The following HS3ST4 variants were observed in gnomAD, a reference collection of about 807,000 sequenced individuals.
HS3ST4 encodes heparan sulfate-glucosamine 3-sulfotransferase 4.
HS3ST4 carries 17 observed loss-of-function variants against 29.2 expected under a neutral mutation model. The ratio of observed to expected loss-of-function variants is 0.58; its 90% CI spans 0.40 to 0.87. The LOEUF (loss-of-function observed/expected upper bound fraction) is 0.87, where lower values mean the gene tolerates loss of function less well. Among genes scored for constraint, HS3ST4 ranks in the 40% least tolerant of loss-of-function variants. The probability of loss-of-function intolerance (pLI) is 0.00; values close to 1 mark genes in which losing one functional copy is unlikely to be tolerated. For missense variants in HS3ST4, 627 were observed against 634.5 expected (o/e 0.99, Z 0.13); for synonymous variants, 314 against 285.7 (o/e 1.10, Z -1.00).
At chr16:26,120,502 C>T (rs1291691328) in intron 1 of HS3ST4, among the ~76,000 whole-genome samples, 1 of 152,202 alleles carries the variant, frequency 6.6e-6, no homozygotes. Context: ...GGAAAGGGGG[C>T]TTCTGGCTGA....
chr16:25,695,849 A>G (rs184756168), intron 1 of HS3ST4, among the ~76,000 whole-genome samples: 3 of 152,316 alleles, frequency 2.0e-5, no homozygotes, highest in Non-Finnish European at 4.4e-5. Context: ...ATGTGCTTCC[A>G]GTAGCCTATG....
intron 1 of HS3ST4, among the ~76,000 whole-genome samples, chr16:26,082,809 C>A (rs1241434149): frequency 6.6e-6 from 1 of 152,142 alleles, no homozygotes; most frequent in Non-Finnish European, 1.5e-5. Flanking sequence ...CATGGAGCAA[C>A]CTTACCTCCA....
intron 1 of HS3ST4, among the ~76,000 whole-genome samples, chr16:25,971,759 A>G (rs952425009): frequency 4.6e-5 from 7 of 152,168 alleles, no homozygotes; most frequent in African/African-American, 4.8e-5. Flanking sequence ...CCCCGTCTCT[A>G]CTAAAAATAC....
At chr16:25,969,588 C>T (rs1458455925) in intron 1 of HS3ST4, among the ~76,000 whole-genome samples, 1 of 152,164 alleles carries the variant, frequency 6.6e-6, no homozygotes, top group Non-Finnish European at 1.5e-5. Context: ...GAGATATGGC[C>T]TGGGACAACT....
chr16:26,134,357 CTTTTCTTTT>C (rs1033517340), intron 1 of HS3ST4, among the ~76,000 whole-genome samples: 1 of 109,066 alleles, frequency 9.2e-6, no homozygotes, highest in African/African-American at 3.8e-5. Flanking sequence ...CTTTTCTTTT[CTTTTCTTTT>C]TTTTTTTTTT....
intron 1 of HS3ST4, among the ~76,000 whole-genome samples, chr16:25,858,050 T>G (rs948801466): frequency 1.3e-5 from 2 of 151,156 alleles, no homozygotes; most frequent in African/African-American, 4.9e-5. Flanking sequence ...CTTCTTTCTC[T>G]TTCTTTCTTT....
intron 1 of HS3ST4, among the ~76,000 whole-genome samples, chr16:26,011,089 C>T (rs542813458): frequency 6.6e-6 from 1 of 152,238 alleles, no homozygotes; most frequent in Non-Finnish European, 1.5e-5. Context: ...GATAGCAGCA[C>T]GTGCACTTAC....
At chr16:26,125,906 T>A (rs1219033223) in intron 1 of HS3ST4, among the ~76,000 whole-genome samples, 1 of 152,246 alleles carries the variant, frequency 6.6e-6, no homozygotes, top group Non-Finnish European at 1.5e-5. Context: ...TCAGTTCAAA[T>A]TATAATTTCC....
At chr16:25,927,046 G>A (rs1324754184) in intron 1 of HS3ST4, among the ~76,000 whole-genome samples, 3 of 151,040 alleles carry the variant, frequency 2.0e-5, no homozygotes, top group Non-Finnish European at 4.4e-5. Context: ...TGGGCGACAA[G>A]AGCGAAACTC....
chr16:26,011,455 G>A (rs2141740019), intron 1 of HS3ST4, among the ~76,000 whole-genome samples: 1 of 152,308 alleles, frequency 6.6e-6, no homozygotes, highest in Admixed American at 6.5e-5. Context: ...GGCTATTCGG[G>A]AGGCTGAGAC....
At chr16:26,011,273 A>G (rs145264550) in intron 1 of HS3ST4, among the ~76,000 whole-genome samples, 49 of 152,340 alleles carry the variant, frequency 3.2e-4, no homozygotes, top group Middle Eastern at 3.4e-3. Flanking sequence ...AAAGCATTCA[A>G]TTTTGGCCAG....
intron 1 of HS3ST4, among the ~76,000 whole-genome samples, chr16:25,767,137 A>G (rs1024699851): frequency 1.3e-5 from 2 of 152,244 alleles, no homozygotes; most frequent in Admixed American, 6.5e-5. Flanking sequence ...TTAAATTCCC[A>G]TAGCACACTT....
intron 1 of HS3ST4, among the ~76,000 whole-genome samples, chr16:25,927,548 A>T (rs1191112723): frequency 6.6e-6 from 1 of 152,140 alleles, no homozygotes; most frequent in Admixed American, 6.5e-5. Context: ...AAGAAACTTA[A>T]ATGCCTGTGT....
chr16:25,759,751 G>A (rs1966778028), intron 1 of HS3ST4, among the ~76,000 whole-genome samples: 1 of 152,022 alleles, frequency 6.6e-6, no homozygotes, highest in South Asian at 2.1e-4. Context: ...ATAGTGAGAC[G>A]CCATCTCTAT....
chr16:25,795,187 G>C (rs1966880421), intron 1 of HS3ST4, among the ~76,000 whole-genome samples: 1 of 151,902 alleles, frequency 6.6e-6, no homozygotes, highest in Non-Finnish European at 1.5e-5. Flanking sequence ...TGGCCAGGTT[G>C]GTCTTGAATT....
Position 26,111,828 on chromosome 16 carries a change from C to G in HS3ST4, c.735-23784C>G, listed in dbSNP as rs777545918. Among the ~76,000 whole-genome samples the G allele has an allele frequency of 4.6e-4, 70 of 152,174 alleles. 1 individual carries two copies. Among genetic ancestry groups the G allele is most frequent in the Non-Finnish European group, 8.4e-4 (57 of 68,016 alleles). ...GGTCAAGAGATTGAGACCAACTTGG[C>G]CAACATGGTGAAACCCCATCTCTAT... On this transcript the variant is annotated intron_variant, in intron 1 of 1. Coordinates refer to ENST00000331351, the MANE Select transcript of HS3ST4 (RefSeq NM_006040.3).
rs1320620504 is a variant in HS3ST4, at chr16:26,004,171, A to G, written c.735-131441A>G. ...TCCCTGAAAAAGGTTTTCTTAAGGC[A>G]GTTGTTCTTGCCATCCTGACAAATA... On this transcript the variant is annotated intron_variant, in intron 1 of 1. Coordinates refer to ENST00000331351, the MANE Select transcript of HS3ST4 (RefSeq NM_006040.3). Among the ~76,000 whole-genome samples the G allele has an allele frequency of 2.6e-5, 4 of 152,176 alleles. No individual in the cohort carries two copies. In the East Asian group the frequency reaches 5.8e-4, roughly 22 times the overall value.
At chr16:25,977,575 C>T (rs114118117) in intron 1 of HS3ST4, among the ~76,000 whole-genome samples, 9 of 152,222 alleles carry the variant, frequency 5.9e-5, no homozygotes, top group African/African-American at 2.2e-4. Flanking sequence ...AAGTGGTTTC[C>T]CCCATAGAAT....
At chr16:25,705,532 G>T (rs1966370390) in intron 1 of HS3ST4, among the ~76,000 whole-genome samples, 1 of 152,088 alleles carries the variant, frequency 6.6e-6, no homozygotes, top group African/African-American at 2.4e-5. Context: ...AGGCGTGGTG[G>T]CACGCACCTG....
Sources: allele counts gnomAD v4.1 joint callset (sites outside exome capture counted in the v4.1 genomes callset), GRCh38; gene constraint gnomAD v4.1.1; transcripts MANE v1.5; gene names NCBI Gene and HGNC (gene_info 2026-07-23, HGNC 2026-07-21).